Variants in RTN1 observed in about 807,000 individuals in gnomAD.
RTN1 encodes reticulon-1.
RTN1 carries 25 observed loss-of-function variants against 65.5 expected under a neutral mutation model. The observed-to-expected ratio is 0.38, with a 90% CI of 0.28 to 0.53. The LOEUF is 0.53. Ranked by LOEUF, RTN1 falls within the 20% of genes least tolerant of loss-of-function variation. RTN1 has a pLI of 0.79. For missense variants in RTN1, 983 were observed against 1,025.4 expected (o/e 0.96, Z 0.57); for synonymous variants, 471 against 447.6 (o/e 1.05, Z -0.66).
intron 1 of RTN1, among the ~76,000 whole-genome samples, chr14:59,853,387 A>AT (rs552105797): frequency 2.6e-5 from 4 of 152,152 alleles, no homozygotes; most frequent in Non-Finnish European, 4.4e-5. Flanking sequence ...CTGACCACAG[A>AT]TCCATCCGCC....
intron 3 of RTN1, among the ~76,000 whole-genome samples, chr14:59,684,873 G>A (rs539052387): frequency 3.4e-4 from 52 of 152,210 alleles, no homozygotes; most frequent in Admixed American, 2.0e-3. Flanking sequence ...CATGTACAGT[G>A]CTGCTGATGA....
chr14:59,699,850 A>C (rs947090686), intron 3 of RTN1, among the ~76,000 whole-genome samples: 4 of 152,186 alleles, frequency 2.6e-5, no homozygotes, highest in Non-Finnish European at 4.4e-5. Flanking sequence ...AAGTATACTA[A>C]CACTGATTCT....
At chr14:59,841,450 C>T (rs1024814659) in intron 1 of RTN1, among the ~76,000 whole-genome samples, 6 of 152,170 alleles carry the variant, frequency 3.9e-5, no homozygotes, top group Non-Finnish European at 8.8e-5. Flanking sequence ...AATCCTAGAA[C>T]TTTGGGAGGC....
At chr14:59,644,319 C>A (rs1036338419) in intron 3 of RTN1, among the ~76,000 whole-genome samples, 2 of 152,164 alleles carry the variant, frequency 1.3e-5, no homozygotes, top group African/African-American at 4.8e-5. Flanking sequence ...CAACATGGAG[C>A]CAGGGGAGCC....
chr14:59,711,777 T>C (rs1884423579), intron 3 of RTN1, among the ~76,000 whole-genome samples: 1 of 152,184 alleles, frequency 6.6e-6, no homozygotes, highest in Non-Finnish European at 1.5e-5. Flanking sequence ...TGATGATAAG[T>C]GCTTTGAAGA....
rs1269965531 is a variant in RTN1 at position 59,829,158 on chromosome 14, T to C, written c.241+41232A>G. Reference sequence around the variant, plus strand: ...TACACAGCAATACACCGTTCATTAATTAACATTTTAAAGTGCCTTCTACAA... The same window carrying C: ...TACACAGCAATACACCGTTCATTAACTAACATTTTAAAGTGCCTTCTACAA... On this transcript the variant is annotated intron_variant, in intron 1 of 8. Transcript: ENST00000267484. The surrounding 1 kb of genome is among the most constrained non-coding windows in gnomAD (Gnocchi z 4.3). Among the ~76,000 whole-genome samples the C allele has an allele frequency of 6.6e-6, 1 of 152,208 alleles. No homozygotes were observed.
At position 59,603,366 on chromosome 14, in the gene RTN1, T is replaced by C. The variant is rs927245403; in HGVS notation, c.2183-108A>G. 5.0e-6 allele frequency: 4 copies of C among 794,590 alleles called. No homozygotes were observed. The African/African-American group carries it at 5.4e-5, about 11-fold the overall frequency. 49.2% of individuals were successfully genotyped at this position (794,590 alleles called of 1,614,324 possible). A position where few individuals can be genotyped will look rare whatever the true frequency, so the allele number is the denominator to read the frequency against. Reference sequence around the variant, plus strand: ...TGATATTATAGCATTATTTGGAATATACAGCATTTTATTTTATTTTTTATT... The same window carrying C: ...TGATATTATAGCATTATTTGGAATACACAGCATTTTATTTTATTTTTTATT... On this transcript the variant is annotated intron_variant, in intron 6 of 8. Transcript: ENST00000267484.
intron 1 of RTN1, among the ~76,000 whole-genome samples, chr14:59,773,546 G>C (rs1056172221): frequency 5.3e-5 from 8 of 152,020 alleles, no homozygotes; most frequent in African/African-American, 1.9e-4. Flanking sequence ...TTTCCATTAA[G>C]CCTTTAAGTA....
chr14:59,676,103 T>C (rs950554418), intron 3 of RTN1, among the ~76,000 whole-genome samples: 5 of 152,172 alleles, frequency 3.3e-5, no homozygotes, highest in African/African-American at 4.8e-5. Flanking sequence ...ATACCTAGCA[T>C]AGTGACTGAC....
chr14:59,633,666 A>G (rs1882602855), intron 3 of RTN1, among the ~76,000 whole-genome samples: 1 of 152,244 alleles, frequency 6.6e-6, no homozygotes, highest in Non-Finnish European at 1.5e-5. Context: ...CTATCTTTAA[A>G]CCAGTAGAGA....
intron 3 of RTN1, among the ~76,000 whole-genome samples, chr14:59,691,631 A>G (rs1186905306): frequency 4.6e-5 from 7 of 152,170 alleles, no homozygotes; most frequent in Non-Finnish European, 8.8e-5. Context: ...ACACAACGAA[A>G]AAAGAAAACT....
At chr14:59,714,722 A>C (rs556179868) in intron 3 of RTN1, among the ~76,000 whole-genome samples, 1 of 152,196 alleles carries the variant, frequency 6.6e-6, no homozygotes, top group East Asian at 1.9e-4. Context: ...GCAAGTATCA[A>C]TTTGATGGAA....
At chr14:59,678,400 A>G (rs1372154703) in intron 3 of RTN1, among the ~76,000 whole-genome samples, 2 of 152,198 alleles carry the variant, frequency 1.3e-5, no homozygotes, top group African/African-American at 4.8e-5. Flanking sequence ...TCTCTTTTTA[A>G]TATATGTTCT....
rs1887082889 is a variant in RTN1 at position 59,829,114 on chromosome 14, T to C, written c.241+41276A>G. Reference sequence around the variant, plus strand: ...CAGATGAGCTGCTTACTTCCCATCATTTATACTTAAAAGGCAACTACACAG... The same window carrying C: ...CAGATGAGCTGCTTACTTCCCATCACTTATACTTAAAAGGCAACTACACAG... On this transcript the variant is annotated intron_variant, in intron 1 of 8. Transcript: ENST00000267484. This position sits in a 1 kb window ranked among gnomAD's most constrained non-coding sequence, Gnocchi z 4.3. 6.6e-6 allele frequency among the ~76,000 whole-genome samples: 1 copy of C among 152,184 alleles called. No individual in the cohort carries two copies.
intron 3 of RTN1, among the ~76,000 whole-genome samples, chr14:59,635,062 G>A (rs568709008): frequency 1.3e-4 from 20 of 152,268 alleles, no homozygotes; most frequent in African/African-American, 4.8e-4. Flanking sequence ...GGTTATGACA[G>A]TCAATCAGCC....
intron 1 of RTN1, among the ~76,000 whole-genome samples, chr14:59,806,731 C>T (rs1008596202): frequency 2.0e-5 from 3 of 152,150 alleles, no homozygotes; most frequent in African/African-American, 7.2e-5. Context: ...GTTTTCTGTT[C>T]CTGCATCAGT....
At chr14:59,667,876 C>T (rs1335245710) in intron 3 of RTN1, among the ~76,000 whole-genome samples, 2 of 152,062 alleles carry the variant, frequency 1.3e-5, no homozygotes, top group East Asian at 1.9e-4. Context: ...GAATAAAATA[C>T]CTAGGAATCC....
intron 1 of RTN1, among the ~76,000 whole-genome samples, chr14:59,856,097 C>A (rs1594769052): frequency 6.6e-6 from 1 of 151,996 alleles, no homozygotes; most frequent in Admixed American, 6.6e-5. Context: ...AACAGAAAAC[C>A]CCGAGAACTC....
chr14:59,611,074 A>C (rs1881934287), intron 3 of RTN1, among the ~76,000 whole-genome samples: 1 of 152,364 alleles, frequency 6.6e-6, no homozygotes, highest in African/African-American at 2.4e-5. Context: ...TGATTTGAGT[A>C]ATAACAAAAC....
Sources: gnomAD v4.1 joint callset for allele counts (sites outside exome capture counted in the v4.1 genomes callset) on GRCh38, gnomAD v4.1.1 for gene constraint, Gnocchi (gnomAD v3.1) non-coding constraint, MANE v1.5 for transcripts, NCBI Gene and HGNC (gene_info 2026-07-23, HGNC 2026-07-21) for gene names.